Variants in BRINP3 observed in about 807,000 individuals in gnomAD.
BRINP3 encodes BMP/retinoic acid-inducible neural-specific protein 3.
Under a neutral mutation model 71.0 loss-of-function variants are expected in BRINP3, and 19 were observed. The ratio of observed to expected loss-of-function variants is 0.27; its 90% CI spans 0.19 to 0.39. The LOEUF is 0.39. Ranked by LOEUF, BRINP3 falls within the 10% of genes least tolerant of loss-of-function variation. BRINP3 has a pLI of 1.00. For synonymous variants in BRINP3, 380 were observed against 337.7 expected (o/e 1.13, Z -1.37); for missense variants, 959 against 940.8 (o/e 1.02, Z -0.25).
At chr1:190,286,111 A>G (rs1663406848) in intron 2 of BRINP3, among the ~76,000 whole-genome samples, 1 of 152,136 alleles carries the variant, frequency 6.6e-6, no homozygotes, top group Non-Finnish European at 1.5e-5. Flanking sequence ...GTTTAACCAG[A>G]ACATTACTTT....
At chr1:190,254,042 G>A (rs538319101) in intron 4 of BRINP3, among the ~76,000 whole-genome samples, 1 of 152,168 alleles carries the variant, frequency 6.6e-6, no homozygotes, top group South Asian at 2.1e-4. Context: ...CCCATTTCTT[G>A]TTTTTGTCAG....
chr1:190,227,501 T>C (rs1240633515), intron 5 of BRINP3, among the ~76,000 whole-genome samples: 6 of 151,834 alleles, frequency 4.0e-5, no homozygotes, highest in Non-Finnish European at 7.4e-5. Context: ...GAGAAATTTA[T>C]TTGTCACAGA....
At chr1:190,200,236 A>G (rs1654882006) in intron 6 of BRINP3, among the ~76,000 whole-genome samples, 1 of 152,030 alleles carries the variant, frequency 6.6e-6, no homozygotes, top group African/African-American at 2.4e-5. Flanking sequence ...GGCTACTAGC[A>G]CCTCTTCCTC....
intron 4 of BRINP3, among the ~76,000 whole-genome samples, chr1:190,254,480 G>A (rs1351613257): frequency 6.6e-6 from 1 of 151,952 alleles, no homozygotes; most frequent in Non-Finnish European, 1.5e-5. Flanking sequence ...CCTTGAAGAG[G>A]TCCTTCACAT....
At chr1:190,451,253 T>C (rs1337177819) in intron 2 of BRINP3, among the ~76,000 whole-genome samples, 1 of 152,160 alleles carries the variant, frequency 6.6e-6, no homozygotes, top group East Asian at 1.9e-4. Flanking sequence ...GTTTATTTTA[T>C]GATAATGAAA....
At chr1:190,291,683 G>C (rs1663879641) in intron 2 of BRINP3, among the ~76,000 whole-genome samples, 1 of 152,136 alleles carries the variant, frequency 6.6e-6, no homozygotes, top group Admixed American at 6.6e-5. Context: ...TGGAGAAAAG[G>C]TAACCCTTGC....
chr1:190,399,321 A>G (rs1671781052), intron 2 of BRINP3, among the ~76,000 whole-genome samples: 1 of 151,708 alleles, frequency 6.6e-6, no homozygotes, highest in Non-Finnish European at 1.5e-5. Flanking sequence ...AAAAACTTCT[A>G]ATAGGTTTCC....
chr1:190,183,667 T>G (rs989680545), intron 6 of BRINP3, among the ~76,000 whole-genome samples: 24 of 152,166 alleles, frequency 1.6e-4, no homozygotes, highest in African/African-American at 5.5e-4. Context: ...GGGTTTGAGC[T>G]TGTGAGAAAA....
At position 190,277,087 on chromosome 1, in the gene BRINP3, TTATATATATATA is replaced by T. The variant is rs1222129309; in HGVS notation, c.427+4461_427+4472del. On this transcript the variant is annotated intron_variant, in intron 3 of 7. Transcript: ENST00000367462. ...TTTGATCCTGAAATAAATTTTGGTT[TTATATATATATA>T]TATATATATATATATATATTTATAT... Among the ~76,000 whole-genome samples, 66 of 36,034 alleles carry T rather than the reference TTATATATATATA, an allele frequency of 1.8e-3. 3 individuals are homozygous for T. The highest frequency in any genetic ancestry group is 3.8e-3 in the South Asian group (2 of 530). The allele number at this position is 36,034 out of a possible 152,430, so 23.6% of individuals were successfully genotyped here.
chr1:190,124,516 G>A lies in BRINP3; in HGVS notation c.1185-25382C>T, dbSNP rs140569883. ...AAGAGTCCAGCACAATGTACAATGC[G>A]TAGAAGCTGCTTAACAAATACTTAT... On this transcript the variant is annotated intron_variant, in intron 7 of 7. Coordinates refer to ENST00000367462, the MANE Select transcript of BRINP3 (RefSeq NM_199051.3). Among the ~76,000 whole-genome samples, 45 of 152,170 alleles carry A rather than the reference G, an allele frequency of 3.0e-4. No homozygotes were observed. In the East Asian group the frequency reaches 7.5e-3, roughly 25 times the overall value.
intron 4 of BRINP3, among the ~76,000 whole-genome samples, chr1:190,260,343 G>A (rs1035737488): frequency 1.3e-5 from 2 of 152,014 alleles, no homozygotes; most frequent in African/African-American, 2.4e-5. Flanking sequence ...AAGATGATTG[G>A]TATGGTAATT....
chr1:190,175,956 C>T (rs1257176557), intron 6 of BRINP3, among the ~76,000 whole-genome samples: 1 of 152,018 alleles, frequency 6.6e-6, no homozygotes, highest in Non-Finnish European at 1.5e-5. Context: ...AACATAAGGC[C>T]CTCCTGGTTT....
chr1:190,236,568 G>T (rs1286528303), intron 4 of BRINP3, among the ~76,000 whole-genome samples: 1 of 151,906 alleles, frequency 6.6e-6, no homozygotes, highest in Non-Finnish European at 1.5e-5. Context: ...AATAGCCAGA[G>T]TTGACAGTGT....
At chr1:190,473,896 C>T (rs1677319644) in intron 1 of BRINP3, among the ~76,000 whole-genome samples, 2 of 150,494 alleles carry the variant, frequency 1.3e-5, no homozygotes, top group Non-Finnish European at 1.5e-5. Flanking sequence ...TACAACCCAA[C>T]CCACCCCCAC....
chr1:190,211,331 C>T (rs914183156), intron 6 of BRINP3, among the ~76,000 whole-genome samples: 2 of 152,050 alleles, frequency 1.3e-5, no homozygotes, highest in Non-Finnish European at 2.9e-5. Flanking sequence ...ACAAGTTCTG[C>T]CCCTCTAGAG....
chr1:190,414,105 C>A (rs992943282), intron 2 of BRINP3, among the ~76,000 whole-genome samples: 1 of 151,908 alleles, frequency 6.6e-6, no homozygotes, highest in African/African-American at 2.4e-5. Context: ...TTAATCTTTA[C>A]GATGACCATG....
chr1:190,161,298 C>G (rs558279404), intron 6 of BRINP3, among the ~76,000 whole-genome samples: 2 of 151,540 alleles, frequency 1.3e-5, no homozygotes, highest in East Asian at 3.9e-4. Flanking sequence ...ATTTAAAAAC[C>G]TTTTCAGAAA....
At chr1:190,277,113 A>ATATATATT (rs746851050) in intron 3 of BRINP3, among the ~76,000 whole-genome samples, 34 of 107,472 alleles carry the variant, frequency 3.2e-4, no homozygotes, top group African/African-American at 8.2e-4. Context: ...ATATATATAT[A>ATATATATT]TATATTTATA....
chr1:190,149,736 T>TTCCTGCTTA (rs1365696750), intron 7 of BRINP3, among the ~76,000 whole-genome samples: 1 of 151,910 alleles, frequency 6.6e-6, no homozygotes, highest in Non-Finnish European at 1.5e-5. Context: ...ATGGCTAACT[T>TTCCTGCTTA]TCCTGCTTAT....
Sources: gnomAD v4.1 joint callset for allele counts (sites outside exome capture counted in the v4.1 genomes callset) on GRCh38, gnomAD v4.1.1 for gene constraint, MANE v1.5 for transcripts, NCBI Gene and HGNC (gene_info 2026-07-23, HGNC 2026-07-21) for gene names.